NKAIN2: variants seen among roughly 807,000 people sequenced by gnomAD.
NKAIN2 encodes the protein sodium/potassium transporting ATPase interacting 2.
A neutral mutation model predicts 32.6 loss-of-function variants in NKAIN2; 14 were observed. The ratio of observed to expected loss-of-function variants is 0.43; its 90% CI spans 0.28 to 0.67. The LOEUF (loss-of-function observed/expected upper bound fraction) is 0.67, where lower values mean the gene tolerates loss of function less well. Among genes scored for constraint, NKAIN2 ranks in the 30% least tolerant of loss-of-function variants. The pLI is 0.17. For synonymous variants in NKAIN2, 80 were observed against 87.2 expected, an observed-to-expected ratio of 0.92 and a Z score of 0.46; for missense variants, 198 against 258.3, an observed-to-expected ratio of 0.77 and a Z score of 1.60.
chr6:123,893,736 AG>A, intron 1 of NKAIN2, among the ~76,000 whole-genome samples: 1 of 152,358 alleles, frequency 6.6e-6, no homozygotes, highest in East Asian at 1.9e-4. Flanking sequence ...AAGCCTTAAA[AG>A]TACAGATCTA....
At chr6:123,922,492 A>G (rs1024599478) in intron 1 of NKAIN2, among the ~76,000 whole-genome samples, 1 of 152,170 alleles carries the variant, frequency 6.6e-6, no homozygotes, top group African/African-American at 2.4e-5. Context: ...TTTTAGATGA[A>G]TATTGTAAGT....
intron 3 of NKAIN2, among the ~76,000 whole-genome samples, chr6:124,468,375 C>T (rs1776843857): frequency 6.6e-6 from 1 of 152,104 alleles, no homozygotes; most frequent in Non-Finnish European, 1.5e-5. Flanking sequence ...TCTCCTTTTC[C>T]TTTCACCATC....
At chr6:124,335,324 T>G (rs4516960) in intron 2 of NKAIN2, among the ~76,000 whole-genome samples, 20,901 of 152,058 alleles carry the variant, frequency 0.14, 1,959 homozygotes, top group African/African-American at 0.26. Context: ...ATTTTATATA[T>G]AGAGAGAGAT....
chr6:124,434,777 C>T (rs1264281829), intron 3 of NKAIN2, among the ~76,000 whole-genome samples: 1 of 152,076 alleles, frequency 6.6e-6, no homozygotes, highest in Non-Finnish European at 1.5e-5. Flanking sequence ...TGAGATCTTT[C>T]CTTAATAGCA....
At chr6:123,989,392 A>G (rs1296271713) in intron 1 of NKAIN2, among the ~76,000 whole-genome samples, 4 of 152,242 alleles carry the variant, frequency 2.6e-5, no homozygotes, top group African/African-American at 9.6e-5. Context: ...CGACATTGTT[A>G]TAATGGAAAG....
intron 1 of NKAIN2, among the ~76,000 whole-genome samples, chr6:124,193,357 G>A (rs957991139): frequency 2.0e-5 from 3 of 152,184 alleles, no homozygotes; most frequent in Non-Finnish European, 4.4e-5. Flanking sequence ...AGGTATGCTG[G>A]CTGCAGCAGG....
intron 4 of NKAIN2, among the ~76,000 whole-genome samples, chr6:124,704,491 G>C (rs1245661885): frequency 2.0e-5 from 3 of 151,852 alleles, no homozygotes; most frequent in Non-Finnish European, 2.9e-5. Flanking sequence ...AGGCTAACTT[G>C]TTCCAAATAA....
At chr6:124,255,397 C>G (rs1439271881) in intron 1 of NKAIN2, among the ~76,000 whole-genome samples, 1 of 152,290 alleles carries the variant, frequency 6.6e-6, no homozygotes, top group African/African-American at 2.4e-5. Flanking sequence ...TTTCTTTGAA[C>G]AGTGTCTACC....
At chr6:124,703,708 C>T (rs554112670) in intron 4 of NKAIN2, among the ~76,000 whole-genome samples, 133 of 152,022 alleles carry the variant, frequency 8.7e-4, no homozygotes, top group Non-Finnish European at 1.5e-3. Context: ...GAAGTGACTC[C>T]GTGCTGGCTC....
intron 3 of NKAIN2, among the ~76,000 whole-genome samples, chr6:124,648,943 G>A (rs1488021222): frequency 6.6e-6 from 1 of 152,038 alleles, no homozygotes; most frequent in Non-Finnish European, 1.5e-5. Context: ...TGAACTAAAT[G>A]GAAATTAAAA....
At chr6:124,088,877 ATTAT>A (rs1784305544) in intron 1 of NKAIN2, among the ~76,000 whole-genome samples, 1 of 152,068 alleles carries the variant, frequency 6.6e-6, no homozygotes, top group Non-Finnish European at 1.5e-5. Flanking sequence ...GCCTGAATAC[ATTAT>A]TTGTCTATTT....
At chr6:124,128,656 T>G (rs1786303955) in intron 1 of NKAIN2, among the ~76,000 whole-genome samples, 1 of 152,234 alleles carries the variant, frequency 6.6e-6, no homozygotes, top group Non-Finnish European at 1.5e-5. Context: ...AGTTAGTATA[T>G]TTACAGAGCT....
chr6:123,962,360 T>C (rs1314331031), intron 1 of NKAIN2, among the ~76,000 whole-genome samples: 2 of 152,168 alleles, frequency 1.3e-5, no homozygotes, highest in African/African-American at 4.8e-5. Flanking sequence ...AAGGGCACAT[T>C]GGACTATCAT....
At chr6:124,354,092 G>A (rs1202259002) in intron 2 of NKAIN2, among the ~76,000 whole-genome samples, 3 of 152,112 alleles carry the variant, frequency 2.0e-5, no homozygotes, top group African/African-American at 7.2e-5. Context: ...ATGCTTTTAA[G>A]TCCATTCGTT....
chr6:124,611,246 G>T (rs1468221310), intron 3 of NKAIN2, among the ~76,000 whole-genome samples: 1 of 152,050 alleles, frequency 6.6e-6, no homozygotes, highest in Non-Finnish European at 1.5e-5. Flanking sequence ...TAGAAATTTA[G>T]CTTAAGACAT....
At chr6:123,925,131 A>G (rs924073625) in intron 1 of NKAIN2, among the ~76,000 whole-genome samples, 1 of 152,318 alleles carries the variant, frequency 6.6e-6, no homozygotes, top group Admixed American at 6.5e-5. Context: ...AGGTACTACA[A>G]TGAATGTGCT....
At chr6:124,705,917 G>A (rs1217178684) in intron 4 of NKAIN2, among the ~76,000 whole-genome samples, 1 of 152,074 alleles carries the variant, frequency 6.6e-6, no homozygotes, top group Non-Finnish European at 1.5e-5. Context: ...TAGAGAGAAT[G>A]TAGACTTCAC....
chr6:124,607,621 C>A (rs1782545657), intron 3 of NKAIN2, among the ~76,000 whole-genome samples: 1 of 152,086 alleles, frequency 6.6e-6, no homozygotes, highest in Non-Finnish European at 1.5e-5. Flanking sequence ...CTTATCATTG[C>A]CCCTACTGTA....
intron 3 of NKAIN2, among the ~76,000 whole-genome samples, chr6:124,604,746 G>T (rs561784839): frequency 1.3e-5 from 2 of 151,818 alleles, no homozygotes; most frequent in African/African-American, 4.8e-5. Context: ...TGAAATCCAC[G>T]CTCCCAGTTA....
Sources: gnomAD v4.1 joint callset for allele counts (sites outside exome capture counted in the v4.1 genomes callset) on GRCh38, gnomAD v4.1.1 for gene constraint, MANE v1.5 for transcripts, NCBI Gene and HGNC (gene_info 2026-07-23, HGNC 2026-07-21) for gene names.